The following ERC2 variants were observed in gnomAD, a reference collection of about 807,000 sequenced individuals.
ERC2 encodes ERC protein 2.
ERC2 carries 42 observed loss-of-function variants against 114.8 expected under a neutral mutation model. That is an observed-to-expected ratio of 0.37 (90% CI 0.29 to 0.47). The LOEUF (loss-of-function observed/expected upper bound fraction) is 0.47, where lower values mean the gene tolerates loss of function less well. Ranked by LOEUF, ERC2 falls within the 20% of genes least tolerant of loss-of-function variation. The pLI is 0.99. For synonymous variants in ERC2, 454 were observed against 425.5 expected, an observed-to-expected ratio of 1.07 and a Z score of -0.82; for missense variants, 939 against 1,150.7, an observed-to-expected ratio of 0.82 and a Z score of 2.66.
intron 2 of ERC2, among the ~76,000 whole-genome samples, chr3:56,361,046 G>A (rs1172390811): frequency 6.6e-6 from 1 of 152,188 alleles, no homozygotes; most frequent in African/African-American, 2.4e-5. Flanking sequence ...AGGTGGTAAG[G>A]TGGGAGATAC....
At chr3:56,305,027 T>C (rs1486817881) in intron 2 of ERC2, among the ~76,000 whole-genome samples, 1 of 152,034 alleles carries the variant, frequency 6.6e-6, no homozygotes, top group Non-Finnish European at 1.5e-5. Context: ...AAAATAATAA[T>C]TCAAAAGAAG....
At chr3:55,833,126 C>T (rs1436509695) in intron 14 of ERC2, among the ~76,000 whole-genome samples, 2 of 149,586 alleles carry the variant, frequency 1.3e-5, no homozygotes, top group South Asian at 2.2e-4. Flanking sequence ...ACCAAATCTA[C>T]GTCTGATTGG....
chr3:55,892,315 T>A lies in ERC2; in HGVS notation c.2404-3766A>T, dbSNP rs2063648671. 9.2e-5 allele frequency among the ~76,000 whole-genome samples: 14 copies of A among 152,290 alleles called. No individual in the cohort carries two copies. In the South Asian group the frequency reaches 2.9e-3, roughly 32 times the overall value. Reference sequence around the variant, plus strand: ...ATCACAAATGGTGACCCCAGGAGTTTGAGACCAGGCTGGGCAACATGGCAA... The same window carrying A: ...ATCACAAATGGTGACCCCAGGAGTTAGAGACCAGGCTGGGCAACATGGCAA... On this transcript the variant is annotated intron_variant, in intron 13 of 17. Coordinates refer to ENST00000288221, the MANE Select transcript of ERC2 (RefSeq NM_015576.3).
chr3:56,427,262 TG>T (rs201033986), intron 2 of ERC2, among the ~76,000 whole-genome samples: 6,167 of 152,030 alleles, frequency 0.041, 311 homozygotes, highest in African/African-American at 0.11. Flanking sequence ...ATTTTTTGTT[TG>T]GTTGGTTGGT....
At chr3:56,296,615 G>T (rs1383372939) in intron 2 of ERC2, among the ~76,000 whole-genome samples, 180 bp from the exon 3 acceptor site, 1 of 152,212 alleles carries the variant, frequency 6.6e-6, no homozygotes, top group Non-Finnish European at 1.5e-5. Context: ...TGGAGAGGGG[G>T]AGATTAATTC....
chr3:55,608,500 C>CCTTT (rs1437788212), intron 17 of ERC2, among the ~76,000 whole-genome samples: 1 of 152,162 alleles, frequency 6.6e-6, no homozygotes, highest in Non-Finnish European at 1.5e-5. Flanking sequence ...TTAAGGAAGC[C>CCTTT]CTTTCCTTCT....
intron 15 of ERC2, among the ~76,000 whole-genome samples, chr3:55,723,701 A>G (rs1446508329): frequency 6.6e-6 from 1 of 152,192 alleles, no homozygotes; most frequent in Non-Finnish European, 1.5e-5. Context: ...CAGGAAAAAA[A>G]TCCTGATACT....
chr3:55,910,804 T>C (rs888443465), intron 13 of ERC2, among the ~76,000 whole-genome samples: 3 of 152,220 alleles, frequency 2.0e-5, no homozygotes, highest in African/African-American at 7.2e-5. Context: ...CAGCTGGGAT[T>C]TGAACCCAGG....
Position 55,976,280 on chromosome 3 carries a change from C to T in ERC2, c.2267+9697G>A, listed in dbSNP as rs186976136. Among the ~76,000 whole-genome samples the T allele has an allele frequency of 9.9e-5, 15 of 152,180 alleles. No individual in the cohort carries two copies. In the South Asian group the frequency reaches 1.0e-3, roughly 11 times the overall value. On this transcript the variant is annotated intron_variant, in intron 12 of 17. Transcript: ENST00000288221. The stretch of plus-strand genomic sequence containing the variant: ...CTTCTGGGTCTCACAGAGAAGAGTA[C>T]GGAAAACCCATCCTGGGTCCAAGGT...
At chr3:56,416,313 T>C (rs2061152481) in intron 2 of ERC2, among the ~76,000 whole-genome samples, 1 of 152,182 alleles carries the variant, frequency 6.6e-6, no homozygotes, top group African/African-American at 2.4e-5. Context: ...AAAGCTGATC[T>C]GTCTCCCTAC....
intron 6 of ERC2, among the ~76,000 whole-genome samples, chr3:56,136,681 C>T (rs906879177): frequency 2.0e-5 from 3 of 152,148 alleles, no homozygotes; most frequent in African/African-American, 7.2e-5. Flanking sequence ...AAGTATTCTA[C>T]ACTGCTGCCA....
At chr3:56,417,364 T>C (rs1380382475) in intron 2 of ERC2, among the ~76,000 whole-genome samples, 3 of 152,188 alleles carry the variant, frequency 2.0e-5, no homozygotes, top group African/African-American at 7.2e-5. Context: ...AAAAATGTAA[T>C]GTGAGTCTTT....
At chr3:56,075,460 C>A (rs746407583) in intron 7 of ERC2, among the ~76,000 whole-genome samples, 20 of 152,192 alleles carry the variant, frequency 1.3e-4, no homozygotes, top group Non-Finnish European at 1.5e-5. Flanking sequence ...GTTCTACAGA[C>A]CAGATATTGG....
At chr3:55,671,403 C>T (rs1057297140) in intron 17 of ERC2, among the ~76,000 whole-genome samples, 6 of 152,120 alleles carry the variant, frequency 3.9e-5, no homozygotes, top group African/African-American at 1.4e-4. Flanking sequence ...GACCACAAAA[C>T]CTAAAATATT....
chr3:55,681,332 C>T (rs898988733), intron 17 of ERC2, among the ~76,000 whole-genome samples: 4 of 152,196 alleles, frequency 2.6e-5, no homozygotes, highest in East Asian at 1.9e-4. Context: ...CAGAGCCTTC[C>T]GATGCTATTA....
At chr3:55,518,145 A>G (rs545006599) in intron 17 of ERC2, among the ~76,000 whole-genome samples, 26 of 152,212 alleles carry the variant, frequency 1.7e-4, no homozygotes, top group African/African-American at 6.3e-4. Context: ...GACATGGCCA[A>G]ATATCCCTGG....
At chr3:55,616,341 G>A (rs1442893646) in intron 17 of ERC2, among the ~76,000 whole-genome samples, 4 of 152,186 alleles carry the variant, frequency 2.6e-5, no homozygotes, top group African/African-American at 9.7e-5. Flanking sequence ...ATGGCCAGTT[G>A]TGGAAATGGA....
chr3:55,713,999 A>C (rs541373681), intron 15 of ERC2, among the ~76,000 whole-genome samples: 1 of 152,308 alleles, frequency 6.6e-6, no homozygotes, highest in East Asian at 1.9e-4. Flanking sequence ...GGAACAAATA[A>C]ATCTTAGTGA....
intron 1 of ERC2, among the ~76,000 whole-genome samples, chr3:56,447,319 T>A (rs1314623394): frequency 1.3e-5 from 2 of 152,306 alleles, no homozygotes; most frequent in East Asian, 3.9e-4. Context: ...TGTAATCATG[T>A]GATGGGCTGG....
Sources: gnomAD v4.1 joint callset for allele counts (sites outside exome capture counted in the v4.1 genomes callset) on GRCh38, gnomAD v4.1.1 for gene constraint, MANE v1.5 for transcripts, NCBI Gene and HGNC (gene_info 2026-07-23, HGNC 2026-07-21) for gene names.